The following CPS1 variants were observed in gnomAD, a reference collection of about 807,000 sequenced individuals.
The protein encoded by CPS1 is carbamoyl-phosphate synthase 1.
Under a neutral mutation model 174.6 loss-of-function variants are expected in CPS1, and 109 were observed. The ratio of observed to expected loss-of-function variants is 0.62; its 90% CI spans 0.53 to 0.73. CPS1 has a LOEUF of 0.73. Among genes scored for constraint, CPS1 ranks in the 30% least tolerant of loss-of-function variants. The pLI, the probability that CPS1 is intolerant of heterozygous loss-of-function variation, is 0.00. For synonymous variants in CPS1, 637 were observed against 632.0 expected (o/e 1.01, Z -0.12); for missense variants, 1,689 against 1,821.9 (o/e 0.93, Z 1.33).
intron 2 of CPS1, among the ~76,000 whole-genome samples, chr2:210,573,935 A>G (rs1697601759): frequency 1.3e-5 from 2 of 152,176 alleles, no homozygotes; most frequent in South Asian, 4.2e-4. Context: ...ATGAGGGAGC[A>G]TCTGTGTAGA....
intron 20 of CPS1, among the ~76,000 whole-genome samples, chr2:210,615,122 C>T (rs1406561173): frequency 3.3e-5 from 5 of 151,934 alleles, no homozygotes; most frequent in Non-Finnish European, 5.9e-5. Flanking sequence ...GGCCCTCCCT[C>T]ACTGTATGTG....
At chr2:210,505,034 C>T (rs1246288857) in intron 1 of CPS1, among the ~76,000 whole-genome samples, 3 of 151,912 alleles carry the variant, frequency 2.0e-5, no homozygotes, top group East Asian at 3.9e-4. Flanking sequence ...TTTAGGTCAA[C>T]AGAAGTCTGG....
rs1418364851 is a variant in CPS1 at position 210,653,915 on chromosome 2, A to G, written c.3481-110A>G. The G allele has an allele frequency of 1.3e-5, 11 of 830,238 alleles. No homozygotes were observed. In the East Asian group the frequency reaches 2.5e-4, roughly 19 times the overall value. 51.4% of individuals were successfully genotyped at this position (830,238 alleles called of 1,614,324 possible). On this transcript the variant is annotated intron_variant, in intron 28 of 37. Transcript: ENST00000233072. Reference sequence around the variant, plus strand: ...TATGTAGTTATGTTCAGCCTTGAGTATTTTGCAAGTATTGCCCTGATACTT... The same window carrying G: ...TATGTAGTTATGTTCAGCCTTGAGTGTTTTGCAAGTATTGCCCTGATACTT...
chr2:210,489,866 C>T (rs867306798), intron 1 of CPS1, among the ~76,000 whole-genome samples: 18 of 151,968 alleles, frequency 1.2e-4, no homozygotes, highest in Non-Finnish European at 1.9e-4. Context: ...GGCGTGGTGG[C>T]GGACGCCTGT....
At chr2:210,509,194 G>T (rs1695380453) in intron 1 of CPS1, among the ~76,000 whole-genome samples, 1 of 152,118 alleles carries the variant, frequency 6.6e-6, no homozygotes, top group African/African-American at 2.4e-5. Context: ...GATCAAGTGG[G>T]CTTCATCCCT....
intron 24 of CPS1, among the ~76,000 whole-genome samples, chr2:210,642,276 T>A (rs1266168793): frequency 6.6e-5 from 10 of 152,244 alleles, no homozygotes; most frequent in Non-Finnish European, 1.3e-4. Flanking sequence ...AGCCCAATAT[T>A]TCCTTGCTGT....
At chr2:210,660,750 C>A in intron 32 of CPS1, 95 bp downstream of exon 32, 1 of 1,212,880 alleles carries the variant, frequency 8.2e-7, no homozygotes, top group Non-Finnish European at 1.2e-6. Flanking sequence ...TTAAAACCTT[C>A]TAACTAAAGG....
chr2:210,649,003 A>G (rs1700476958), intron 27 of CPS1, among the ~76,000 whole-genome samples: 1 of 152,222 alleles, frequency 6.6e-6, no homozygotes, highest in African/African-American at 2.4e-5. Flanking sequence ...GAACAGGAAC[A>G]GTGAGGATCT....
At chr2:210,510,359 C>T (rs892316986) in intron 1 of CPS1, among the ~76,000 whole-genome samples, 132 of 152,232 alleles carry the variant, frequency 8.7e-4, no homozygotes, top group African/African-American at 3.2e-3. Flanking sequence ...CTTCCTTACA[C>T]CTTATACAAA....
chr2:210,492,512 A>G (rs1285795282), intron 1 of CPS1, among the ~76,000 whole-genome samples: 1 of 151,922 alleles, frequency 6.6e-6, no homozygotes, highest in Non-Finnish European at 1.5e-5. Context: ...TGCCTTCTTT[A>G]TTTCACCATG....
chr2:210,623,688 A>G (rs1290386217), intron 21 of CPS1, among the ~76,000 whole-genome samples: 1 of 152,120 alleles, frequency 6.6e-6, no homozygotes, highest in Non-Finnish European at 1.5e-5. Flanking sequence ...TGAGCTCAGT[A>G]AAGTTGGCCA....
intron 1 of CPS1, among the ~76,000 whole-genome samples, chr2:210,562,413 C>T (rs539931059): frequency 7.9e-5 from 12 of 152,258 alleles, no homozygotes; most frequent in Admixed American, 2.0e-4. Context: ...GGCCTTGTAA[C>T]TGCAGAGAAG....
At chr2:210,494,047 C>T (rs558161568) in intron 1 of CPS1, among the ~76,000 whole-genome samples, 1 of 152,084 alleles carries the variant, frequency 6.6e-6, no homozygotes, top group South Asian at 2.1e-4. Flanking sequence ...TAATCTAAAC[C>T]CAAGCCATAG....
chr2:210,637,657 T>G (rs1474395061), intron 21 of CPS1, 45 bp from the exon 22 acceptor site: 1 of 1,608,662 alleles, frequency 6.2e-7, no homozygotes, highest in Non-Finnish European at 8.5e-7. Context: ...CGCTTTTTAT[T>G]GTTTTTGGTC....
intron 28 of CPS1, among the ~76,000 whole-genome samples, chr2:210,652,969 T>C (rs1700603672): frequency 6.6e-6 from 1 of 152,176 alleles, no homozygotes; most frequent in South Asian, 2.1e-4. Flanking sequence ...AGTTTACAGA[T>C]ACCAAAGGAA....
intron 1 of CPS1, among the ~76,000 whole-genome samples, chr2:210,500,543 C>G (rs985195717): frequency 6.6e-6 from 1 of 152,192 alleles, no homozygotes; most frequent in Non-Finnish European, 1.5e-5. Flanking sequence ...AGTCCCCATG[C>G]AAGTCCGACA....
chr2:210,582,251 T>G (rs1697948071), intron 5 of CPS1, among the ~76,000 whole-genome samples: 1 of 152,186 alleles, frequency 6.6e-6, no homozygotes, highest in Non-Finnish European at 1.5e-5. Flanking sequence ...AGATTTTTTT[T>G]GTCCATTTCT....
intron 21 of CPS1, among the ~76,000 whole-genome samples, chr2:210,632,283 A>G (rs1221379652): frequency 6.6e-6 from 1 of 152,256 alleles, no homozygotes; most frequent in East Asian, 1.9e-4. Context: ...AGGAACATCT[A>G]TCTGAGTCTC....
intron 1 of CPS1, among the ~76,000 whole-genome samples, chr2:210,562,557 C>T (rs1199782793): frequency 3.3e-5 from 5 of 152,130 alleles, no homozygotes; most frequent in Admixed American, 3.3e-4. Context: ...ATATTATCTA[C>T]ACAATAATTA....
Sources: allele counts gnomAD v4.1 joint callset (sites outside exome capture counted in the v4.1 genomes callset), GRCh38; gene constraint gnomAD v4.1.1; transcripts MANE v1.5; gene names NCBI Gene and HGNC (gene_info 2026-07-23, HGNC 2026-07-21).